BRD9: variants seen among roughly 807,000 people sequenced by gnomAD.
BRD9 encodes the protein bromodomain containing 9, also known as bromodomain-containing protein 9.
Under a neutral mutation model 68.7 loss-of-function variants are expected in BRD9, and 47 were observed. The observed-to-expected ratio is 0.68, with a 90% CI of 0.54 to 0.87. The LOEUF is 0.87. Ranked by LOEUF, BRD9 falls within the 40% of genes least tolerant of loss-of-function variation. The probability of loss-of-function intolerance (pLI) is 0.00; values close to 1 mark genes in which losing one functional copy is unlikely to be tolerated. For missense variants in BRD9, 670 were observed against 748.4 expected (o/e 0.90, Z 1.22); for synonymous variants, 313 against 293.9 (o/e 1.06, Z -0.67).
chr5:889,490 T>C (rs1753033232), intron 4 of BRD9, 97 bp downstream of exon 4: 5 of 1,369,570 alleles, frequency 3.7e-6, no homozygotes, highest in South Asian at 1.3e-5. Flanking sequence ...GCAGGGTCTG[T>C]TTCACAGCTG....
At position 891,633 on chromosome 5, in the gene BRD9, C is replaced by T. The variant is rs1341402378; in HGVS notation, c.267+7G>A. On this transcript the variant is annotated splice_region_variant and intron_variant, in intron 2 of 15. Transcript: ENST00000467963. The stretch of plus-strand genomic sequence containing the variant: ...CAGCGTCCGGGCCACCGCCGCTGCT[C>T]CTTTACCTTTCGCTTCCTTCTTTCC... 1.3e-6 allele frequency: 2 copies of T among 1,550,802 alleles called. No homozygotes were observed. The highest frequency in any genetic ancestry group is 2.4e-5 in the South Asian group (2 of 84,032).
chr5:890,714 G>C (rs1489150164), intron 3 of BRD9, among the ~76,000 whole-genome samples: 3 of 152,160 alleles, frequency 2.0e-5, no homozygotes, highest in Non-Finnish European at 2.9e-5. Context: ...TCTCTTACCA[G>C]TCTGACCCAG....
chr5:889,747 A>T, intron 3 of BRD9, 100 bp from the exon 4 acceptor site: 1 of 1,564,334 alleles, frequency 6.4e-7, no homozygotes, highest in Non-Finnish European at 8.7e-7. Context: ...GTCTCACAGC[A>T]TTTTAAGTTC....
At chr5:871,705 T>A in intron 12 of BRD9, 141 bp from the exon 13 acceptor site, 1 of 798,704 alleles carries the variant, frequency 1.3e-6, no homozygotes, top group Non-Finnish European at 2.1e-6. Context: ...CTTAATGGAT[T>A]AAGGCTGGGG....
chr5:876,317 C>T lies in BRD9; in HGVS notation c.1272-105G>A, dbSNP rs191972612. 2.3e-3 allele frequency: 1,745 copies of T among 758,124 alleles called. 28 individuals are homozygous for T. The African/African-American group carries it at 0.027, about 12-fold the overall frequency. 47.0% of individuals were successfully genotyped at this position (758,124 alleles called of 1,614,324 possible). ...TGCCGTGCCAGCGCAGCTCCTCGGTCCCCGTGACCCTCCCAGAGCGGGTAT... is the reference window on the plus strand; with the variant it reads ...TGCCGTGCCAGCGCAGCTCCTCGGTTCCCGTGACCCTCCCAGAGCGGGTAT... On this transcript the variant is annotated intron_variant, in intron 11 of 15. Transcript: ENST00000467963.
intron 2 of BRD9, 110 bp downstream of exon 2, chr5:891,529 CA>C: frequency 1.4e-6 from 2 of 1,455,338 alleles, no homozygotes; most frequent in Non-Finnish European, 1.8e-6. Flanking sequence ...ACCAACGGAA[CA>C]CCCCCTCCCC....
Position 865,743 on chromosome 5 carries a change from G to A in BRD9, c.1526-162C>T, listed in dbSNP as rs548962637. ...CACAGCAGACAGGTGGACAGGCCTG[G>A]AGGACAGACATTACCCTTAGCAGTG... On this transcript the variant is annotated intron_variant, in intron 14 of 15. Transcript: ENST00000467963. 40 of 740,950 alleles carry A rather than the reference G, an allele frequency of 5.4e-5. No homozygotes were observed. The South Asian group carries it at 7.0e-4, about 13-fold the overall frequency. 45.9% of individuals were successfully genotyped at this position (740,950 alleles called of 1,614,324 possible).
At chr5:874,254 C>A (rs1750578434) in intron 12 of BRD9, among the ~76,000 whole-genome samples, 1 of 152,210 alleles carries the variant, frequency 6.6e-6, no homozygotes, top group Non-Finnish European at 1.5e-5. Flanking sequence ...TGCCACCATA[C>A]CCAGCTCTTA....
At chr5:871,824 G>A (rs567706530) in intron 12 of BRD9, among the ~76,000 whole-genome samples, 59 of 152,330 alleles carry the variant, frequency 3.9e-4, no homozygotes, top group African/African-American at 1.3e-3. Flanking sequence ...GAGATGGAGC[G>A]GACAGAGAGA....
chr5:870,285 C>T (rs1749949098), intron 14 of BRD9, 188 bp downstream of exon 14: 1 of 580,788 alleles, frequency 1.7e-6, no homozygotes, highest in African/African-American at 1.9e-5. Context: ...AAAGACACAA[C>T]ACTCAGGAGA....
chr5:864,632 T>A, intron 15 of BRD9, 64 bp from the exon 16 acceptor site: 1 of 1,447,038 alleles, frequency 6.9e-7, no homozygotes, highest in Non-Finnish European at 9.6e-7. Context: ...GTGGGGCTCC[T>A]GGAGCCCAAG....
intron 15 of BRD9, among the ~76,000 whole-genome samples, 195 bp from the exon 16 acceptor site, chr5:864,763 A>G (rs953269703): frequency 1.8e-4 from 27 of 152,204 alleles, no homozygotes; most frequent in Non-Finnish European, 3.5e-4. Context: ...CTGACCCAGC[A>G]CACAGCACGG....
intron 14 of BRD9, among the ~76,000 whole-genome samples, chr5:869,613 T>A (rs1311757224): frequency 6.6e-6 from 1 of 152,228 alleles, no homozygotes; most frequent in Non-Finnish European, 1.5e-5. Flanking sequence ...TTTTGAAGCC[T>A]GCTACCTGAA....
At chr5:889,377 C>G (rs1291131785) in intron 4 of BRD9, among the ~76,000 whole-genome samples, 1 of 152,188 alleles carries the variant, frequency 6.6e-6, no homozygotes, top group African/African-American at 2.4e-5. Flanking sequence ...CAGCTCTAGC[C>G]TTGACTTCCC....
At chr5:888,888 A>G in intron 5 of BRD9, 133 bp downstream of exon 5, 1 of 958,070 alleles carries the variant, frequency 1.0e-6, no homozygotes, top group South Asian at 1.9e-5. Flanking sequence ...CTGTGTCTGT[A>G]AAACATCATC....
At chr5:866,712 G>A (rs969438979) in intron 14 of BRD9, among the ~76,000 whole-genome samples, 27 of 152,122 alleles carry the variant, frequency 1.8e-4, no homozygotes, top group Non-Finnish European at 3.5e-4. Flanking sequence ...ACTTGAGAGA[G>A]ATGATTTAGG....
rs550764789 is a variant in BRD9 at position 884,134 on chromosome 5, G to A, written c.834-64C>T. The A allele has an allele frequency of 3.2e-5, 50 of 1,581,578 alleles. 1 individual carries two copies. In the Middle Eastern group the frequency reaches 5.3e-4, roughly 17 times the overall value. On this transcript the variant is annotated intron_variant, in intron 7 of 15. Coordinates refer to ENST00000467963, the MANE Select transcript of BRD9 (RefSeq NM_023924.5). Reference sequence around the variant, plus strand: ...TCCCCACCGCACACCTGCTCCCCATGCGTCGGCACCTAACCCAGCTTCTAC... The same window carrying A: ...TCCCCACCGCACACCTGCTCCCCATACGTCGGCACCTAACCCAGCTTCTAC...
At chr5:865,823 G>T in intron 14 of BRD9, 1 of 496,544 alleles carries the variant, frequency 2.0e-6, no homozygotes, top group East Asian at 3.3e-5. Flanking sequence ...CATCAGACAA[G>T]ACCTAGCACC....
At chr5:864,682 A>G in intron 15 of BRD9, 114 bp from the exon 16 acceptor site, 1 of 831,172 alleles carries the variant, frequency 1.2e-6, no homozygotes, top group Non-Finnish European at 1.9e-6. Flanking sequence ...AGGGACTCCC[A>G]GGACACAGGG....
Sources: allele counts gnomAD v4.1 joint callset (sites outside exome capture counted in the v4.1 genomes callset), GRCh38; gene constraint gnomAD v4.1.1; transcripts MANE v1.5; gene names NCBI Gene and HGNC (gene_info 2026-07-23, HGNC 2026-07-21).